The following MEGF10 variants were observed in gnomAD, a reference collection of about 807,000 sequenced individuals.
The protein encoded by MEGF10 is multiple epidermal growth factor-like domains protein 10.
Under a neutral mutation model 147.5 loss-of-function variants are expected in MEGF10, and 86 were observed. That is an observed-to-expected ratio of 0.58 (90% confidence interval 0.49 to 0.70). The LOEUF is 0.70. MEGF10 is among the 30% of genes least tolerant of loss of function. MEGF10 has a pLI of 0.00. For synonymous variants in MEGF10, 478 were observed against 525.5 expected, an observed-to-expected ratio of 0.91 and a Z score of 1.24; for missense variants, 1,329 against 1,487.3, an observed-to-expected ratio of 0.89 and a Z score of 1.75.
the MEGF10 span, among the ~76,000 whole-genome samples, chr5:127,269,836 A>T: frequency 1.3e-5 from 2 of 152,218 alleles, no homozygotes; most frequent in Non-Finnish European, 2.9e-5. Flanking sequence ...CCAGAGAGAA[A>T]GGTCGGGTAC....
At chr5:127,310,687 G>T (rs970736988) in intron 1 of MEGF10, among the ~76,000 whole-genome samples, 2 of 152,102 alleles carry the variant, frequency 1.3e-5, no homozygotes, top group African/African-American at 4.8e-5. Context: ...TTCTCAGGGA[G>T]ATCACAAAGG....
chr5:127,420,269 C>T lies in MEGF10; in HGVS notation c.1590+62C>T, dbSNP rs1050493109. On this transcript the variant is annotated intron_variant, in intron 12 of 24. Transcript: ENST00000503335. ...TGAGGAACTGATGTTGTAAAGTTGGCTTCTTTTTGCATTTTTCCTGACTTC... is the reference window on the plus strand; with the variant it reads ...TGAGGAACTGATGTTGTAAAGTTGGTTTCTTTTTGCATTTTTCCTGACTTC... 6.4e-6 allele frequency: 10 copies of T among 1,555,760 alleles called. No individual in the cohort carries two copies. In the African/African-American group the frequency reaches 9.6e-5, roughly 15 times the overall value.
chr5:127,452,932 T>A (rs969954942), intron 22 of MEGF10, among the ~76,000 whole-genome samples: 1 of 151,920 alleles, frequency 6.6e-6, no homozygotes. Context: ...TGCAAGAGAG[T>A]GTGCCTGAGA....
the MEGF10 span, among the ~76,000 whole-genome samples, chr5:127,281,284 T>C: frequency 6.6e-6 from 1 of 152,186 alleles, no homozygotes; most frequent in Non-Finnish European, 1.5e-5. Context: ...GGAAGTCAGT[T>C]TCTTTTGCTG....
At chr5:127,384,468 C>A (rs1763360897) in intron 5 of MEGF10, among the ~76,000 whole-genome samples, 1 of 152,164 alleles carries the variant, frequency 6.6e-6, no homozygotes, top group African/African-American at 2.4e-5. Context: ...CAAGTTATAT[C>A]CTTGAGATTT....
At chr5:127,329,604 CCAAA>C (rs1271425480) in intron 1 of MEGF10, among the ~76,000 whole-genome samples, 1 of 150,694 alleles carries the variant, frequency 6.6e-6, no homozygotes, top group Non-Finnish European at 1.5e-5. Flanking sequence ...CATTTGGTTC[CCAAA>C]TATTAAAAAC....
chr5:127,440,964 C>G, intron 18 of MEGF10, 97 bp downstream of exon 18: 1 of 1,489,302 alleles, frequency 6.7e-7, no homozygotes, highest in Non-Finnish European at 9.1e-7. Flanking sequence ...TTCACCACTC[C>G]GAGGTTGTTT....
the MEGF10 span, among the ~76,000 whole-genome samples, chr5:127,252,129 A>C: frequency 6.6e-6 from 1 of 151,944 alleles, no homozygotes; most frequent in Non-Finnish European, 1.5e-5. Context: ...CAGGGTTAGT[A>C]AGGATATGAT....
At position 127,335,806 on chromosome 5, in the gene MEGF10, G is replaced by A. The variant is rs185292433; in HGVS notation, c.117-3314G>A. On this transcript the variant is annotated intron_variant, in intron 2 of 24. Transcript: ENST00000503335. Reference sequence around the variant, plus strand: ...TAAAGAAGCACAACAACATGCTGTTGGTGGTTATGTGAGAGCTATGGAGTT... The same window carrying A: ...TAAAGAAGCACAACAACATGCTGTTAGTGGTTATGTGAGAGCTATGGAGTT... Among the ~76,000 whole-genome samples, 6 of 151,970 alleles carry A rather than the reference G, an allele frequency of 3.9e-5. No individual in the cohort carries two copies. The East Asian group carries it at 9.7e-4, about 25-fold the overall frequency.
In MEGF10 at chr5:127,396,725, C is replaced by T. The variant is rs775698351; in HGVS notation, c.606C>T (p.Thr202=). 5.0e-6 allele frequency: 8 copies of T among 1,614,098 alleles called. No individual in the cohort carries two copies. Among genetic ancestry groups the T allele is most frequent in the Non-Finnish European group, 6.8e-6 (8 of 1,180,032 alleles). Residue 202 remains threonine, a synonymous_variant, in exon 6 of 25, where the codon ACC becomes ACT. Coordinates refer to ENST00000503335, the MANE Select transcript of MEGF10 (RefSeq NM_001256545.2). ...HQRCQCQNGA[T]CDHVTGECRC... Reference sequence around the variant, plus strand: ...GATGCCAGTGCCAGAATGGAGCCACCTGCGACCACGTCACGGGGGAATGCC... The same window carrying T: ...GATGCCAGTGCCAGAATGGAGCCACTTGCGACCACGTCACGGGGGAATGCC...
At chr5:127,421,581 C>T (rs1580849873) in intron 12 of MEGF10, among the ~76,000 whole-genome samples, 1 of 152,126 alleles carries the variant, frequency 6.6e-6, no homozygotes, top group South Asian at 2.1e-4. Flanking sequence ...TTGTCTCCAT[C>T]AGACCATCCA....
intron 1 of MEGF10, among the ~76,000 whole-genome samples, chr5:127,295,056 G>A (rs192511459): frequency 2.0e-5 from 3 of 152,040 alleles, no homozygotes; most frequent in African/African-American, 7.2e-5. Flanking sequence ...TTTGCTCTGT[G>A]CTTTTCCATT....
the MEGF10 span, among the ~76,000 whole-genome samples, chr5:127,233,826 C>G: frequency 6.6e-6 from 1 of 152,104 alleles, no homozygotes; most frequent in African/African-American, 2.4e-5. Flanking sequence ...TTAATCAAGG[C>G]TGAAGCAGGT....
At chr5:127,396,384 G>A (rs183529159) in intron 5 of MEGF10, 148 bp from the exon 6 acceptor site, 4 of 851,698 alleles carry the variant, frequency 4.7e-6, no homozygotes, top group African/African-American at 3.4e-5. Flanking sequence ...GCACCAGTTT[G>A]TGAAGCATTG....
intron 19 of MEGF10, chr5:127,444,270 T>C (rs184042144): frequency 5.9e-5 from 9 of 152,358 alleles, no homozygotes; most frequent in Admixed American, 5.9e-4. Flanking sequence ...CTGCAGACCA[T>C]GTAAATATTT....
In MEGF10 at chr5:127,460,978, A is replaced by G. The variant is rs1454404490; in HGVS notation, c.*3660A>G. 6.6e-6 allele frequency: 1 copy of G among 152,204 alleles called. No homozygotes were observed. The highest frequency in any genetic ancestry group is 6.5e-5 in the Admixed American group (1 of 15,280). The allele number at this position is 152,204 out of a possible 1,614,324, so 9.4% of individuals were successfully genotyped here. ...TGATGTCCTAACACTGGGTCTGCTT[A>G]TGCTAGTTCAGTATTTGGTCTAGGC... On this transcript the variant is annotated 3_prime_UTR_variant, in exon 25 of 25. Coordinates refer to ENST00000503335, the MANE Select transcript of MEGF10 (RefSeq NM_001256545.2).
chr5:127,411,012 C>T (rs959128574), intron 9 of MEGF10, among the ~76,000 whole-genome samples: 2 of 151,584 alleles, frequency 1.3e-5, no homozygotes, highest in African/African-American at 2.4e-5. Flanking sequence ...ATCTTTTATT[C>T]GACAGCACAT....
At chr5:127,446,297 ATTTAAAAG>A (rs566109449) in intron 20 of MEGF10, among the ~76,000 whole-genome samples, 130 of 152,334 alleles carry the variant, frequency 8.5e-4, no homozygotes, top group African/African-American at 3.1e-3. Flanking sequence ...ACATGGAGGA[ATTTAAAAG>A]TTTAAAATCT....
the MEGF10 span, among the ~76,000 whole-genome samples, chr5:127,250,407 A>T: frequency 6.6e-6 from 1 of 151,868 alleles, no homozygotes; most frequent in Non-Finnish European, 1.5e-5. Flanking sequence ...AAAATTTATG[A>T]CATTTCAATA....
Sources: gnomAD v4.1 joint callset for allele counts (sites outside exome capture counted in the v4.1 genomes callset) on GRCh38, gnomAD v4.1.1 for gene constraint, MANE v1.5 for transcripts, NCBI Gene and HGNC (gene_info 2026-07-23, HGNC 2026-07-21) for gene names.